The following AOAH variants were observed in gnomAD, a reference collection of about 807,000 sequenced individuals.
AOAH encodes acyloxyacyl hydrolase.
AOAH carries 64 observed loss-of-function variants against 92.2 expected under a neutral mutation model. The observed-to-expected ratio is 0.69, with a 90% CI of 0.57 to 0.86. The LOEUF is 0.86. AOAH is among the 40% of genes least tolerant of loss of function. The pLI, the probability that AOAH is intolerant of heterozygous loss-of-function variation, is 0.00. For synonymous variants in AOAH, 263 were observed against 254.5 expected (o/e 1.03, Z -0.32); for missense variants, 656 against 694.6 (o/e 0.94, Z 0.62).
chr7:36,721,968 T>TA (rs1189569058), intron 1 of AOAH, among the ~76,000 whole-genome samples: 4 of 152,160 alleles, frequency 2.6e-5, no homozygotes, highest in Admixed American at 1.3e-4. Context: ...GAAAGCCTAC[T>TA]ACCCAAGATA....
chr7:36,540,668 G>A (rs1295310953), intron 15 of AOAH, among the ~76,000 whole-genome samples, 177 bp from the exon 16 acceptor site: 1 of 152,216 alleles, frequency 6.6e-6, no homozygotes, highest in African/African-American at 2.4e-5. Context: ...CACATAGGCT[G>A]TACTTACTGA....
chr7:36,565,311 G>T (rs1212076429), intron 13 of AOAH, among the ~76,000 whole-genome samples: 2 of 152,030 alleles, frequency 1.3e-5, no homozygotes, highest in South Asian at 2.1e-4. Flanking sequence ...CAAGGTTTGG[G>T]TTGAAACCAA....
intron 13 of AOAH, among the ~76,000 whole-genome samples, chr7:36,571,751 G>T (rs780096151): frequency 6.6e-6 from 1 of 152,122 alleles, no homozygotes; most frequent in Admixed American, 6.6e-5. Context: ...TGTCTCTTAG[G>T]ATCTGGGTAT....
intron 1 of AOAH, among the ~76,000 whole-genome samples, chr7:36,706,288 G>A (rs769758943): frequency 1.3e-5 from 2 of 152,094 alleles, no homozygotes; most frequent in Admixed American, 6.6e-5. Context: ...CTTCATCAGC[G>A]CTCTTGGATG....
intron 3 of AOAH, among the ~76,000 whole-genome samples, chr7:36,670,294 A>C (rs1180098988): frequency 6.6e-6 from 1 of 152,206 alleles, no homozygotes; most frequent in Non-Finnish European, 1.5e-5. Context: ...TGATGGCTTA[A>C]AACAAGCTGT....
Position 36,724,356 on chromosome 7 carries a change from G to A in AOAH, c.-208C>T, listed in dbSNP as rs901781526. Reference sequence around the variant, plus strand: ...ATAAACACTCACAGACCCACAGCTTGCTCTTGTTGGACCCTGAGAGAGCCA... The same window carrying A: ...ATAAACACTCACAGACCCACAGCTTACTCTTGTTGGACCCTGAGAGAGCCA... On this transcript the variant is annotated 5_prime_UTR_variant, in exon 1 of 21. Transcript: ENST00000617537. 1 of 451,298 alleles carries A rather than the reference G, an allele frequency of 2.2e-6. No individual in the cohort carries two copies. Among genetic ancestry groups the A allele is most frequent in the Non-Finnish European group, 4.0e-6 (1 of 248,466 alleles). 28.0% of individuals were successfully genotyped at this position (451,298 alleles called of 1,614,324 possible).
chr7:36,610,202 G>C (rs1791349273), intron 11 of AOAH, among the ~76,000 whole-genome samples: 1 of 138,554 alleles, frequency 7.2e-6, no homozygotes. Context: ...ACATCCTGCT[G>C]TAGGTGGGTG....
intron 5 of AOAH, among the ~76,000 whole-genome samples, chr7:36,633,884 G>C (rs1301467742): frequency 6.6e-6 from 1 of 152,172 alleles, no homozygotes; most frequent in African/African-American, 2.4e-5. Context: ...GGGCTGCCCT[G>C]TGCACTGTGA....
At chr7:36,543,449 C>A (rs1031791830) in intron 15 of AOAH, among the ~76,000 whole-genome samples, 7 of 150,324 alleles carry the variant, frequency 4.7e-5, no homozygotes, top group Non-Finnish European at 1.0e-4. Flanking sequence ...TTTTGCCTTG[C>A]CACACTTTTT....
intron 20 of AOAH, among the ~76,000 whole-genome samples, chr7:36,517,820 C>T (rs1449302133): frequency 6.6e-6 from 1 of 151,490 alleles, no homozygotes; most frequent in Non-Finnish European, 1.5e-5. Context: ...AGGCTGGTCT[C>T]GAACTCCTAG....
Position 36,557,298 on chromosome 7 carries a change from T to A in AOAH, c.1022-7823A>T, listed in dbSNP as rs376395319. 2.7e-3 allele frequency among the ~76,000 whole-genome samples: 416 copies of A among 152,348 alleles called. 1 individual carries two copies. Among genetic ancestry groups the A allele is most frequent in the African/African-American group, 8.3e-3 (346 of 41,578 alleles). ...GGTTGAAAATTCTTTTCTTTAAGAA[T>A]GTTGAATATTGGCCCCCACTCTCCT... On this transcript the variant is annotated intron_variant, in intron 13 of 20. Coordinates refer to ENST00000617537, the MANE Select transcript of AOAH (RefSeq NM_001637.4).
At chr7:36,588,068 CAGATT>C (rs1212257623) in intron 12 of AOAH, among the ~76,000 whole-genome samples, 8 of 152,160 alleles carry the variant, frequency 5.3e-5, no homozygotes, top group East Asian at 3.8e-4. Context: ...CACATTTCAT[CAGATT>C]AAATTATTTA....
chr7:36,686,221 A>T (rs1584114839), intron 2 of AOAH, among the ~76,000 whole-genome samples: 1 of 152,188 alleles, frequency 6.6e-6, no homozygotes, highest in East Asian at 1.9e-4. Context: ...TAAATTAATG[A>T]AATGTTCTAG....
intron 20 of AOAH, 147 bp from the exon 21 acceptor site, chr7:36,513,527 T>C: frequency 2.6e-6 from 2 of 754,822 alleles, no homozygotes; most frequent in South Asian, 3.7e-5. Context: ...CCTCCTTCCC[T>C]TGCTGGCGGT....
At chr7:36,683,649 A>G (rs778014942) in intron 2 of AOAH, among the ~76,000 whole-genome samples, 1 of 152,194 alleles carries the variant, frequency 6.6e-6, no homozygotes, top group Non-Finnish European at 1.5e-5. Flanking sequence ...GTGCTTGACA[A>G]TTGGGAGTTT....
intron 3 of AOAH, among the ~76,000 whole-genome samples, 183 bp downstream of exon 3, chr7:36,673,760 C>G (rs899790886): frequency 6.6e-6 from 1 of 152,050 alleles, no homozygotes; most frequent in African/African-American, 2.4e-5. Flanking sequence ...GGAGCCTTTG[C>G]GTAGAGTGAC....
Position 36,639,738 on chromosome 7 carries a change from C to T in AOAH, c.391-1828G>A, listed in dbSNP as rs370973414. 4.6e-5 allele frequency among the ~76,000 whole-genome samples: 7 copies of T among 152,180 alleles called. No individual in the cohort carries two copies. In the East Asian group the frequency reaches 5.8e-4, roughly 13 times the overall value. ...GTTTCTTGTTGAAGAAAATGATGTG[C>T]TCCGTGCACTGATATGCAAGTGAAG... On this transcript the variant is annotated intron_variant, in intron 4 of 20. Transcript: ENST00000617537.
chr7:36,547,223 C>T (rs2116289133), intron 15 of AOAH, among the ~76,000 whole-genome samples: 1 of 152,312 alleles, frequency 6.6e-6, no homozygotes, highest in Non-Finnish European at 1.5e-5. Context: ...CTTCACAGAC[C>T]TTGGTGCCCA....
chr7:36,685,999 C>T (rs1796981235), intron 2 of AOAH, among the ~76,000 whole-genome samples: 2 of 151,992 alleles, frequency 1.3e-5, no homozygotes, highest in Middle Eastern at 6.8e-3. Flanking sequence ...AATGTAGGCA[C>T]CCTAGATGAA....
Sources: gnomAD v4.1 joint callset for allele counts (sites outside exome capture counted in the v4.1 genomes callset) on GRCh38, gnomAD v4.1.1 for gene constraint, MANE v1.5 for transcripts, NCBI Gene and HGNC (gene_info 2026-07-23, HGNC 2026-07-21) for gene names.